Variants in RAI1 observed in about 807,000 individuals in gnomAD.
The protein encoded by RAI1 is retinoic acid induced 1.
A neutral mutation model predicts 123.8 loss-of-function variants in RAI1; 9 were observed. The observed-to-expected ratio is 0.07, with a 90% CI of 0.04 to 0.13. The LOEUF is 0.13. RAI1 is among the 10% of genes least tolerant of loss of function. The probability of loss-of-function intolerance (pLI) is 1.00; values close to 1 mark genes in which losing one functional copy is unlikely to be tolerated. For missense variants in RAI1, 2,256 were observed against 2,545.8 expected, an observed-to-expected ratio of 0.89 and a Z score of 2.45; for synonymous variants, 1,231 against 1,127.3, an observed-to-expected ratio of 1.09 and a Z score of -1.84.
chr17:17,796,073 G>C lies in RAI1; in HGVS notation c.3125G>C (p.Gly1042Ala). The change falls in exon 3 of 6, where the codon GGA (glycine) becomes GCA (alanine). Residue 1042 changes from glycine (G) to alanine (A), a missense_variant. Coordinates refer to ENST00000353383, the MANE Select transcript of RAI1 (RefSeq NM_030665.4). This position sits in a 1 kb window ranked among gnomAD's most constrained non-coding sequence, Gnocchi z 5.8. ...CCCCAGGGACAGATGGAAGGGGCTGGAGCCCCAGGCCGGGGGGCCTCGGAA... is the reference window on the plus strand; with the variant it reads ...CCCCAGGGACAGATGGAAGGGGCTGCAGCCCCAGGCCGGGGGGCCTCGGAA... ...GPPQGQMEGA[G>A]APGRGASEGL... The C allele has an allele frequency of 6.3e-7, 1 of 1,581,404 alleles. No homozygotes were observed. Among genetic ancestry groups the C allele is most frequent in the Non-Finnish European group, 8.6e-7 (1 of 1,163,876 alleles).
At chr17:17,700,737 G>A (rs1168186571) in intron 1 of RAI1, among the ~76,000 whole-genome samples, 4 of 152,090 alleles carry the variant, frequency 2.6e-5, no homozygotes, top group Admixed American at 2.6e-4. Context: ...CGGCGCGTTC[G>A]TTTCATTAAT....
chr17:17,694,196 CG>C (rs1293474736), intron 1 of RAI1, among the ~76,000 whole-genome samples: 5 of 152,086 alleles, frequency 3.3e-5, no homozygotes, highest in African/African-American at 1.2e-4. Flanking sequence ...AGTCTTTGAC[CG>C]GGGAGGCAGC....
At chr17:17,698,507 A>G (rs1018235454) in intron 1 of RAI1, among the ~76,000 whole-genome samples, 10 of 152,024 alleles carry the variant, frequency 6.6e-5, no homozygotes, top group African/African-American at 2.2e-4. Context: ...TTTATATTGA[A>G]TGTGTCTGTC....
rs1463586610 is a variant in RAI1, at chr17:17,808,429, T to TTTA, written c.5660-958_5660-956dup. Among the ~76,000 whole-genome samples the TTTA allele has an allele frequency of 9.0e-4, 103 of 114,206 alleles. 1 individual carries two copies. Among genetic ancestry groups the TTTA allele is most frequent in the African/African-American group, 3.4e-3 (99 of 28,888 alleles). 74.9% of individuals were successfully genotyped at this position (114,206 alleles called of 152,430 possible). The stretch of plus-strand genomic sequence containing the variant: ...ATTTTATTTTATTATTTTATTTTAT[T>TTTA]TTATTTTATTTTATTTTATTTTATT... On this transcript the variant is annotated intron_variant, in intron 4 of 5. Transcript: ENST00000353383.
intron 2 of RAI1, among the ~76,000 whole-genome samples, chr17:17,726,192 A>G (rs182642360): frequency 1.2e-4 from 18 of 152,136 alleles, no homozygotes; most frequent in East Asian, 5.8e-4. Context: ...GGGCCATCGG[A>G]AACTGGAAGG....
At chr17:17,808,456 T>TCTTTC (rs2032643879) in intron 4 of RAI1, among the ~76,000 whole-genome samples, 1 of 106,364 alleles carries the variant, frequency 9.4e-6, no homozygotes, top group African/African-American at 3.1e-5. Flanking sequence ...TATTTTATTT[T>TCTTTC]ATTTCATCTC....
chr17:17,682,520 G>C (rs1192810439), intron 1 of RAI1: 1 of 152,164 alleles, frequency 6.6e-6, no homozygotes, highest in Non-Finnish European at 1.5e-5. Context: ...GGCGCAGCCC[G>C]CCGCCCTTTT....
intron 1 of RAI1, among the ~76,000 whole-genome samples, chr17:17,723,263 C>T (rs559404631): frequency 6.6e-6 from 1 of 151,660 alleles, no homozygotes; most frequent in African/African-American, 2.4e-5. Context: ...AACAATCGCA[C>T]AGACACAGCC....
At chr17:17,734,279 AT>A (rs5819622) in intron 2 of RAI1, among the ~76,000 whole-genome samples, 43,779 of 148,390 alleles carry the variant, frequency 0.3, 8,049 homozygotes, top group Non-Finnish European at 0.43. Flanking sequence ...TCTCTCTACA[AT>A]TTTTTTTTTT....
intron 2 of RAI1, among the ~76,000 whole-genome samples, chr17:17,759,961 T>G (rs1234904711): frequency 6.6e-6 from 1 of 152,018 alleles, no homozygotes; most frequent in African/African-American, 2.4e-5. Flanking sequence ...TAGATGGAAG[T>G]TTTTCAGGGA....
At chr17:17,803,386 TTTTGTTTGTTTG>T (rs142704630) in intron 3 of RAI1, among the ~76,000 whole-genome samples, 2 of 152,070 alleles carry the variant, frequency 1.3e-5, no homozygotes, top group South Asian at 2.1e-4. Flanking sequence ...TTTGTGTTTT[TTTTGTTTGTTTG>T]TTTGTTTGTT....
At chr17:17,687,333 C>T (rs1023439788) in intron 1 of RAI1, among the ~76,000 whole-genome samples, 10 of 152,230 alleles carry the variant, frequency 6.6e-5, no homozygotes, top group Admixed American at 5.9e-4. Context: ...TCTCTGGCCT[C>T]GGTCTCATCT....
In RAI1 at chr17:17,796,147, C is replaced by T. The variant is rs745616113; in HGVS notation, c.3199C>T (p.Arg1067Cys). ...TTCTCTCACGGCCCTGAGTGAGCCCCGCACGCCCGGACCCCCAGGCCTGAC... is the reference window on the plus strand; with the variant it reads ...TTCTCTCACGGCCCTGAGTGAGCCCTGCACGCCCGGACCCCCAGGCCTGAC... Reference protein sequence around the residue: ...TRSLTALSEPRTPGPPGLTTT... With the variant: ...TRSLTALSEPCTPGPPGLTTT... The change falls in exon 3 of 6, where the codon CGC becomes TGC. Residue 1067 changes from arginine (R) to cysteine (C), a missense_variant. By Grantham distance (180) the Arg-to-Cys change is radical. Around this residue, in one of 7 missense-constraint regions of RAI1, gnomAD observed 566 missense variants for 616.0 expected, o/e 0.92. Coordinates refer to ENST00000353383, the MANE Select transcript of RAI1 (RefSeq NM_030665.4). The surrounding 1 kb of genome is among the most constrained non-coding windows in gnomAD (Gnocchi z 5.8). 9 of 1,569,008 alleles carry T rather than the reference C, an allele frequency of 5.7e-6. No homozygotes were observed. Among genetic ancestry groups the T allele is most frequent in the Admixed American group, 3.7e-5 (2 of 54,424 alleles).
chr17:17,726,322 C>T (rs895864364), intron 2 of RAI1, among the ~76,000 whole-genome samples: 6 of 152,228 alleles, frequency 3.9e-5, no homozygotes, highest in Non-Finnish European at 8.8e-5. Context: ...AGCTGCAGGC[C>T]TGGCCATTAA....
chr17:17,764,048 C>T (rs2030816522), intron 2 of RAI1, among the ~76,000 whole-genome samples: 1 of 152,222 alleles, frequency 6.6e-6, no homozygotes, highest in African/African-American at 2.4e-5. Flanking sequence ...GCCACATGGC[C>T]ATCCTCCGGA....
At chr17:17,682,340 T>C (rs1241994735) in intron 1 of RAI1, among the ~76,000 whole-genome samples, 3 of 150,514 alleles carry the variant, frequency 2.0e-5, no homozygotes, top group Non-Finnish European at 3.0e-5. Flanking sequence ...GCGGTGTCCC[T>C]ACCCGGGCAG....
chr17:17,690,877 A>T (rs1269014224), intron 1 of RAI1, among the ~76,000 whole-genome samples: 2 of 151,626 alleles, frequency 1.3e-5, no homozygotes, highest in African/African-American at 4.8e-5. Context: ...GTGGGCAGGG[A>T]TGGGGAATCA....
chr17:17,705,419 C>T (rs1915361222), intron 1 of RAI1, among the ~76,000 whole-genome samples: 1 of 152,062 alleles, frequency 6.6e-6, no homozygotes, highest in Non-Finnish European at 1.5e-5. Flanking sequence ...CACCTGAGGT[C>T]AGGAGTTTGA....
At chr17:17,791,132 A>G (rs2031998069) in intron 2 of RAI1, among the ~76,000 whole-genome samples, 1 of 152,314 alleles carries the variant, frequency 6.6e-6, no homozygotes, top group South Asian at 2.1e-4. Flanking sequence ...CTCGTGGGAA[A>G]GTGGCCGGCC....
Sources: allele counts gnomAD v4.1 joint callset (sites outside exome capture counted in the v4.1 genomes callset), GRCh38; gene constraint gnomAD v4.1.1; regional missense constraint gnomAD v4.1.1; non-coding constraint Gnocchi (gnomAD v3.1); transcripts MANE v1.5; gene names NCBI Gene and HGNC (gene_info 2026-07-23, HGNC 2026-07-21).